ESRRG: variants seen among roughly 807,000 people sequenced by gnomAD.
The protein encoded by ESRRG is estrogen-related receptor gamma.
A neutral mutation model predicts 44.0 loss-of-function variants in ESRRG; 13 were observed. The observed-to-expected ratio is 0.30, with a 90% CI of 0.19 to 0.47. ESRRG has a LOEUF of 0.47. ESRRG is among the 20% of genes least tolerant of loss of function. ESRRG has a pLI of 1.00. For missense variants in ESRRG, 395 were observed against 580.6 expected (o/e 0.68, Z 3.29); for synonymous variants, 215 against 214.6 (o/e 1.00, Z -0.02).
rs2040723908 is a variant in ESRRG at position 216,503,685 on chromosome 1, C to A, written c.*3254G>T. 2 of 152,418 alleles carry A rather than the reference C, an allele frequency of 1.3e-5. No individual in the cohort carries two copies. The highest frequency in any genetic ancestry group is 4.1e-4 in the South Asian group (2 of 4,820). 9.4% of individuals were successfully genotyped at this position (152,418 alleles called of 1,614,324 possible). On this transcript the variant is annotated 3_prime_UTR_variant, in exon 7 of 7. Coordinates refer to ENST00000408911, the MANE Select transcript of ESRRG (RefSeq NM_001438.4). ...CAATCACCAACACCCATTTTCTCTT[C>A]TATAAGAAAAATAGCAGTTTTAAAT...
chr1:216,987,315 A>C (rs1050118023), intron 1 of ESRRG, among the ~76,000 whole-genome samples: 2 of 152,232 alleles, frequency 1.3e-5, no homozygotes, highest in African/African-American at 4.8e-5. Context: ...TTTAAAGAAA[A>C]GCCATCAACC....
intron 2 of ESRRG, among the ~76,000 whole-genome samples, chr1:216,741,345 C>T (rs2090694981): frequency 6.9e-6 from 1 of 143,958 alleles, no homozygotes; most frequent in African/African-American, 2.6e-5. Flanking sequence ...TTTCTTTATA[C>T]CTGTTCACAA....
intron 5 of ESRRG, among the ~76,000 whole-genome samples, chr1:216,558,155 T>C (rs60945404): frequency 6.6e-6 from 1 of 152,178 alleles, no homozygotes. Context: ...GAAACCTAGC[T>C]ACTTCTCTGT....
At chr1:216,990,979 G>A (rs1439382493) in intron 1 of ESRRG, among the ~76,000 whole-genome samples, 2 of 152,098 alleles carry the variant, frequency 1.3e-5, no homozygotes, top group Non-Finnish European at 2.9e-5. Flanking sequence ...GGCCTGTTAG[G>A]AAACTGGTTG....
intron 2 of ESRRG, among the ~76,000 whole-genome samples, chr1:216,806,661 A>G (rs2094803255): frequency 6.6e-6 from 1 of 152,162 alleles, no homozygotes; most frequent in African/African-American, 2.4e-5. Context: ...CCAGTGTATT[A>G]TATTACTTGT....
rs1275343701 is a variant in ESRRG, at chr1:216,735,427, C to CA, written c.-13-57937dup. ...CTTGTTTTGTTGCCCAGGCTGGTTT[C>CA]AAGCTTCTGGCCTCAAGGGATCCTC... On this transcript the variant is annotated intron_variant, in intron 2 of 7. Transcript: ENST00000359162. Among the ~76,000 whole-genome samples the CA allele has an allele frequency of 2.0e-5, 3 of 151,550 alleles. No homozygotes were observed. The East Asian group carries it at 5.9e-4, about 30-fold the overall frequency.
chr1:216,718,110 T>C (rs2085307412), intron 1 of ESRRG, among the ~76,000 whole-genome samples: 1 of 151,920 alleles, frequency 6.6e-6, no homozygotes, highest in Non-Finnish European at 1.5e-5. Context: ...GTTACCTGTC[T>C]AACACACAGT....
At chr1:216,628,788 A>G (rs2063611680) in intron 3 of ESRRG, among the ~76,000 whole-genome samples, 1 of 152,312 alleles carries the variant, frequency 6.6e-6, no homozygotes, top group East Asian at 1.9e-4. Flanking sequence ...AACCTCAGGC[A>G]AAGTCCAAAA....
intron 3 of ESRRG, among the ~76,000 whole-genome samples, chr1:216,594,047 C>G (rs1372853302): frequency 6.6e-6 from 1 of 152,112 alleles, no homozygotes; most frequent in African/African-American, 2.4e-5. Flanking sequence ...TTCTGAAACT[C>G]AAGAGAAACC....
At chr1:216,851,624 A>G (rs1484301189) in intron 2 of ESRRG, among the ~76,000 whole-genome samples, 1 of 152,124 alleles carries the variant, frequency 6.6e-6, no homozygotes, top group Admixed American at 6.6e-5. Flanking sequence ...TCATGCTGAC[A>G]CCCTGATCTC....
At chr1:216,869,874 A>C (rs949585011) in intron 2 of ESRRG, among the ~76,000 whole-genome samples, 1 of 152,010 alleles carries the variant, frequency 6.6e-6, no homozygotes, top group African/African-American at 2.4e-5. Context: ...TAGAAATGCA[A>C]TGATTTTTGT....
rs11572455 is a variant in ESRRG, at chr1:216,979,621, C to T, written c.-105-39948G>A. On this transcript the variant is annotated intron_variant, in intron 1 of 7. Coordinates refer to the ESRRG transcript ENST00000359162. Reference sequence around the variant, plus strand: ...TGCTTGACAAGTCACTCAAACTGTGCCTCTGTTTCCTCATCTATAAAATGG... The same window carrying T: ...TGCTTGACAAGTCACTCAAACTGTGTCTCTGTTTCCTCATCTATAAAATGG... 7.2e-5 allele frequency among the ~76,000 whole-genome samples: 11 copies of T among 152,118 alleles called. No homozygotes were observed. In the East Asian group the frequency reaches 1.7e-3, roughly 24 times the overall value.
intron 5 of ESRRG, among the ~76,000 whole-genome samples, chr1:216,522,901 A>G (rs753070943): frequency 4.6e-5 from 7 of 152,142 alleles, no homozygotes; most frequent in Non-Finnish European, 8.8e-5. Flanking sequence ...CAGGTATTTA[A>G]TGGTAGTTTA....
chr1:216,640,600 C>T (rs930429788), intron 3 of ESRRG, among the ~76,000 whole-genome samples: 25 of 152,070 alleles, frequency 1.6e-4, no homozygotes, highest in African/African-American at 4.6e-4. Flanking sequence ...TAGAGATGAA[C>T]AAAATCGTGC....
intron 2 of ESRRG, among the ~76,000 whole-genome samples, chr1:216,930,345 G>T (rs1243902665): frequency 6.6e-6 from 1 of 152,040 alleles, no homozygotes; most frequent in South Asian, 2.1e-4. Context: ...ATGAATACCA[G>T]GTGATCCATT....
At chr1:217,032,011 C>T (rs913048649) in intron 1 of ESRRG, among the ~76,000 whole-genome samples, 1 of 152,170 alleles carries the variant, frequency 6.6e-6, no homozygotes, top group South Asian at 2.1e-4. Flanking sequence ...GGATCAAGAG[C>T]TTTCTGTGAA....
At chr1:216,646,201 A>G (rs1303624135) in intron 3 of ESRRG, among the ~76,000 whole-genome samples, 1 of 152,000 alleles carries the variant, frequency 6.6e-6, no homozygotes, top group Non-Finnish European at 1.5e-5. Context: ...CTAAGGTCAG[A>G]TATTAAAGAC....
chr1:216,628,557 T>C (rs1165175488), intron 3 of ESRRG, among the ~76,000 whole-genome samples: 4 of 152,164 alleles, frequency 2.6e-5, no homozygotes, highest in Non-Finnish European at 5.9e-5. Flanking sequence ...GTCTTATTTT[T>C]AAATTTGATT....
intron 1 of ESRRG, among the ~76,000 whole-genome samples, chr1:217,087,719 T>C (rs191807664): frequency 6.6e-6 from 1 of 152,370 alleles, no homozygotes; most frequent in Non-Finnish European, 1.5e-5. Context: ...ATTCTCGATA[T>C]ACACACGTTT....
Sources: allele counts gnomAD v4.1 joint callset (sites outside exome capture counted in the v4.1 genomes callset), GRCh38; gene constraint gnomAD v4.1.1; transcripts MANE v1.5; gene names NCBI Gene and HGNC (gene_info 2026-07-23, HGNC 2026-07-21).